Variants in CFAP91 observed in about 807,000 individuals in gnomAD.
CFAP91 encodes the protein cilia- and flagella-associated protein 91.
CFAP91 carries 85 observed loss-of-function variants against 95.9 expected under a neutral mutation model. The observed-to-expected ratio is 0.89, with a 90% CI of 0.74 to 1.06. The LOEUF is 1.06. Among genes scored for constraint, CFAP91 ranks in the 50% least tolerant of loss-of-function variants. The probability of loss-of-function intolerance (pLI) is 0.00; values close to 1 mark genes in which losing one functional copy is unlikely to be tolerated. For synonymous variants in CFAP91, 335 were observed against 327.5 expected, an observed-to-expected ratio of 1.02 and a Z score of -0.25; for missense variants, 962 against 943.4, an observed-to-expected ratio of 1.02 and a Z score of -0.26.
rs1439043138 is a variant in CFAP91 at position 119,737,369 on chromosome 3, C to T, written c.1348C>T (p.Leu450=). ...DYELAEVHKA[L]LDKKNKVLEV... ...ATATTAATTGGCATTATTTCAGGCA[C>T]TGTTGGATAAGAAGAATAAAGTTCT... is the stretch of plus-strand genomic sequence containing the variant. The change falls in exon 11 of 18, where the codon CTG becomes TTG. Residue 450 remains leucine (L), a synonymous_variant. Transcript: ENST00000273390. The T allele has an allele frequency of 1.9e-6, 3 of 1,568,538 alleles. No individual in the cohort carries two copies. Among genetic ancestry groups the T allele is most frequent in the Non-Finnish European group, 2.6e-6 (3 of 1,152,950 alleles).
rs772986717 is a variant in CFAP91 at position 119,739,338 on chromosome 3, C to G, written c.1533+12C>G. 9.9e-6 allele frequency: 16 copies of G among 1,612,064 alleles called. No homozygotes were observed. Among genetic ancestry groups the G allele is most frequent in the Non-Finnish European group, 1.2e-5 (14 of 1,178,540 alleles). On this transcript the variant is annotated intron_variant, in intron 12 of 17. Transcript: ENST00000273390. The stretch of plus-strand genomic sequence containing the variant: ...TCGTTCAGAACATGGTGTGTAGGTC[C>G]AACCGCTGGCCCTGCATTTCTCTTT...
intron 6 of CFAP91, among the ~76,000 whole-genome samples, chr3:119,720,372 G>A (rs560306832): frequency 2.0e-5 from 3 of 150,050 alleles, no homozygotes; most frequent in South Asian, 2.1e-4. Flanking sequence ...ACTCCAGCCT[G>A]GGCGACAGAG....
intron 17 of CFAP91, among the ~76,000 whole-genome samples, chr3:119,762,386 A>G (rs1441942741): frequency 6.6e-6 from 1 of 152,098 alleles, no homozygotes; most frequent in Non-Finnish European, 1.5e-5. Flanking sequence ...GGAAGAATTA[A>G]TATTGTTTAA....
intron 17 of CFAP91, among the ~76,000 whole-genome samples, chr3:119,752,048 C>T (rs1174367914): frequency 1.3e-5 from 2 of 152,098 alleles, no homozygotes; most frequent in African/African-American, 4.8e-5. Flanking sequence ...GAGAATAGAG[C>T]TAGGGAGTCA....
At chr3:119,730,196 T>C (rs780274317) in intron 7 of CFAP91, 24 bp from the exon 8 acceptor site, 5 of 1,608,238 alleles carry the variant, frequency 3.1e-6, no homozygotes, top group Non-Finnish European at 4.2e-6. Flanking sequence ...ATATGCTTCT[T>C]TATGTTTTGT....
At chr3:119,712,167 A>G (rs535364729) in intron 5 of CFAP91, among the ~76,000 whole-genome samples, 8 of 152,338 alleles carry the variant, frequency 5.3e-5, no homozygotes, top group African/African-American at 1.9e-4. Flanking sequence ...GGAGGTGGGA[A>G]AGGGATCATT....
At position 119,726,207 on chromosome 3, in the gene CFAP91, T is replaced by C. The variant is rs2053779960; in HGVS notation, c.719T>C (p.Met240Thr). 6.2e-7 allele frequency: 1 copy of C among 1,612,908 alleles called. No homozygotes were observed. Among genetic ancestry groups the C allele is most frequent in the South Asian group, 1.1e-5 (1 of 90,924 alleles). Residue 240 changes from methionine (M) to threonine (T), a missense_variant, in exon 7 of 18, where the codon ATG becomes ACG. Coordinates refer to ENST00000273390, the MANE Select transcript of CFAP91 (RefSeq NM_033364.4). ...GLPAGQAEVE[M>T]IERAREKRAW... ...CCAGCAGGACAAGCTGAGGTGGAGA[T>C]GATAGAAAGAGCCCGCGAGAAGCGT...
At chr3:119,730,601 AGT>A (rs60453079) in intron 8 of CFAP91, among the ~76,000 whole-genome samples, 25,498 of 136,696 alleles carry the variant, frequency 0.19, 2,356 homozygotes, top group Non-Finnish European at 0.23. Flanking sequence ...TTACTGAGAT[AGT>A]GTGTGTGTGT....
At chr3:119,730,798 G>A (rs541107592) in intron 8 of CFAP91, among the ~76,000 whole-genome samples, 102 of 151,904 alleles carry the variant, frequency 6.7e-4, no homozygotes, top group African/African-American at 2.3e-3. Flanking sequence ...TTTTAATACC[G>A]CAGATATAAC....
In CFAP91 at chr3:119,710,154, GT is replaced by G. The variant is rs537856797; in HGVS notation, c.500+262del. 453 of 430,076 alleles carry G rather than the reference GT, an allele frequency of 1.1e-3. 1 individual carries two copies. Among genetic ancestry groups the G allele is most frequent in the African/African-American group, 8.6e-3 (424 of 49,274 alleles). 26.6% of individuals were successfully genotyped at this position (430,076 alleles called of 1,614,324 possible). On this transcript the variant is annotated intron_variant, in intron 5 of 17. Transcript: ENST00000273390. The stretch of plus-strand genomic sequence containing the variant: ...TTGTTTCAGAAAAATATATGCATAT[GT>G]TTATATGTATATGATGGATTATGAT...
At chr3:119,719,752 A>C (rs185537270) in intron 6 of CFAP91, among the ~76,000 whole-genome samples, 2 of 152,226 alleles carry the variant, frequency 1.3e-5, no homozygotes, top group Admixed American at 1.3e-4. Context: ...GAGTAACTAC[A>C]GAATAAACAA....
intron 7 of CFAP91, 105 bp downstream of exon 7, chr3:119,726,453 C>A: frequency 9.1e-7 from 1 of 1,103,824 alleles, no homozygotes; most frequent in Non-Finnish European, 1.3e-6. Flanking sequence ...GAAAAGCAAT[C>A]CTCAACCTAT....
intron 6 of CFAP91, among the ~76,000 whole-genome samples, chr3:119,721,236 G>C (rs140954329): frequency 5.6e-4 from 85 of 152,278 alleles, no homozygotes; most frequent in African/African-American, 1.7e-3. Context: ...CGAAAACATA[G>C]GAAAAATCCT....
chr3:119,710,122 A>G (rs184473247), intron 5 of CFAP91: 2 of 505,296 alleles, frequency 4.0e-6, no homozygotes, highest in East Asian at 3.3e-5. Context: ...GTTTTTGTTT[A>G]TAACTTTTGT....
chr3:119,721,828 C>T (rs985628472), intron 6 of CFAP91, among the ~76,000 whole-genome samples: 2 of 152,154 alleles, frequency 1.3e-5, no homozygotes, highest in Non-Finnish European at 2.9e-5. Context: ...GAGAGTTCAA[C>T]AAGAAGTCAA....
Position 119,747,244 on chromosome 3 carries a change from G to A in CFAP91, c.2032G>A (p.Ala678Thr). ...EKMAEKINDI[A>T]YEMESRRTYL... ...GATGGCTGAGAAAATCAATGACATTGCTTATGAAATGGAAAGCCGGTGTGT... is the reference window on the plus strand; with the variant it reads ...GATGGCTGAGAAAATCAATGACATTACTTATGAAATGGAAAGCCGGTGTGT... The change falls in exon 15 of 18, where the codon GCT (alanine) becomes ACT (threonine). Residue 678 changes from alanine (A) to threonine (T), a missense_variant. Transcript: ENST00000273390. The A allele has an allele frequency of 6.2e-7, 1 of 1,613,392 alleles. No individual in the cohort carries two copies. Among genetic ancestry groups the A allele is most frequent in the East Asian group, 2.2e-5 (1 of 44,834 alleles).
At chr3:119,749,502 C>A (rs1430940893) in intron 16 of CFAP91, among the ~76,000 whole-genome samples, 1 of 151,678 alleles carries the variant, frequency 6.6e-6, no homozygotes, top group Non-Finnish European at 1.5e-5. Flanking sequence ...CCAGCCTGAA[C>A]ACAGAATGAG....
At chr3:119,749,521 TAA>T (rs973148959) in intron 16 of CFAP91, among the ~76,000 whole-genome samples, 2 of 143,616 alleles carry the variant, frequency 1.4e-5, no homozygotes, top group Admixed American at 7.0e-5. Flanking sequence ...AGACCCTGTC[TAA>T]AAAAAAAAAG....
intron 6 of CFAP91, among the ~76,000 whole-genome samples, chr3:119,723,997 T>C (rs1488372666): frequency 2.0e-5 from 3 of 150,846 alleles, no homozygotes; most frequent in Non-Finnish European, 4.4e-5. Context: ...CTGTCTCTAC[T>C]AAAAATACAA....
Sources: gnomAD v4.1 joint callset for allele counts (sites outside exome capture counted in the v4.1 genomes callset) on GRCh38, gnomAD v4.1.1 for gene constraint, MANE v1.5 for transcripts, NCBI Gene and HGNC (gene_info 2026-07-23, HGNC 2026-07-21) for gene names.